ANK3: variants seen among roughly 807,000 people sequenced by gnomAD.
The protein encoded by ANK3 is ankyrin-3.
ANK3 carries 57 observed loss-of-function variants against 370.9 expected under a neutral mutation model. That is an observed-to-expected ratio of 0.15 (90% CI 0.12 to 0.19). The LOEUF (loss-of-function observed/expected upper bound fraction) is 0.19, where lower values mean the gene tolerates loss of function less well. Among genes scored for constraint, ANK3 ranks in the 10% least tolerant of loss-of-function variants. The probability of loss-of-function intolerance (pLI) is 1.00; values close to 1 mark genes in which losing one functional copy is unlikely to be tolerated. For synonymous variants in ANK3, 1,929 were observed against 1,946.3 expected, an observed-to-expected ratio of 0.99 and a Z score of 0.23; for missense variants, 4,439 against 5,302.1, an observed-to-expected ratio of 0.84 and a Z score of 5.06.
chr10:60,726,815 C>G (rs1020944288), intron 1 of ANK3, among the ~76,000 whole-genome samples: 1 of 152,052 alleles, frequency 6.6e-6, no homozygotes, highest in African/African-American at 2.4e-5. Context: ...CACAATAAAG[C>G]TGTTTTTAAA....
rs1198345668 is a variant in ANK3, at chr10:60,075,833, T to A, written c.5048A>T (p.Lys1683Ile). Residue 1683 changes from lysine to isoleucine, a missense_variant, in exon 37 of 44, where the codon AAA becomes ATA. Physicochemically the swap from Lys to Ile is moderately radical, Grantham distance 102 (BLOSUM62 -3). Coordinates refer to ENST00000280772, the MANE Select transcript of ANK3 (RefSeq NM_020987.5). Reference protein sequence around the residue: ...SPLKSVVSPVKSAVDVISSAK... With the variant: ...SPLKSVVSPVISAVDVISSAK... Reference sequence around the variant, plus strand: ...TGATGAAATGACATCAACTGCTGATTTAACTGGAGACACCACTGACTTTAA... The same window carrying A: ...TGATGAAATGACATCAACTGCTGATATAACTGGAGACACCACTGACTTTAA... 1 of 1,614,050 alleles carries A rather than the reference T, an allele frequency of 6.2e-7. No individual in the cohort carries two copies. The highest frequency in any genetic ancestry group is 8.5e-7 in the Non-Finnish European group (1 of 1,179,886).
At chr10:60,498,157 G>C (rs7915051) in intron 2 of ANK3, among the ~76,000 whole-genome samples, 2 of 151,620 alleles carry the variant, frequency 1.3e-5, no homozygotes, top group African/African-American at 4.8e-5. Context: ...TGAATCACTG[G>C]GTATATTCAA....
intron 1 of ANK3, among the ~76,000 whole-genome samples, chr10:60,348,950 C>A (rs1566763113): frequency 6.6e-6 from 1 of 152,112 alleles, no homozygotes; most frequent in Non-Finnish European, 1.5e-5. Flanking sequence ...GATGCTAAAG[C>A]AATGTGTACA....
At chr10:60,689,114 A>G (rs987955397) in intron 1 of ANK3, among the ~76,000 whole-genome samples, 3 of 152,200 alleles carry the variant, frequency 2.0e-5, no homozygotes, top group Non-Finnish European at 2.9e-5. Context: ...ATAGAGGTAT[A>G]TTTGGCTAGG....
chr10:60,629,516 C>T (rs1322191189), intron 1 of ANK3, among the ~76,000 whole-genome samples: 1 of 151,994 alleles, frequency 6.6e-6, no homozygotes, highest in African/African-American at 2.4e-5. Context: ...CGGATTGTTG[C>T]CATAGTAACT....
intron 4 of ANK3, among the ~76,000 whole-genome samples, chr10:60,276,542 C>G (rs2098092474): frequency 6.6e-6 from 1 of 152,194 alleles, no homozygotes; most frequent in Non-Finnish European, 1.5e-5. Flanking sequence ...CCATGTGTGG[C>G]TGGTAATTCC....
chr10:60,110,953 A>G (rs766774812), intron 26 of ANK3, among the ~76,000 whole-genome samples: 8 of 152,196 alleles, frequency 5.3e-5, no homozygotes, highest in African/African-American at 9.7e-5. Flanking sequence ...ATAGAGAGTA[A>G]TTCTGATTGG....
Position 60,070,597 on chromosome 10 carries a change from T to A in ANK3, c.10284A>T (p.Thr3428=), listed in dbSNP as rs775096980. Residue 3428 remains threonine, a synonymous_variant, in exon 37 of 44, where the codon ACA becomes ACT. Coordinates refer to ENST00000280772, the MANE Select transcript of ANK3 (RefSeq NM_020987.5). The surrounding 1 kb of genome is among the most constrained non-coding windows in gnomAD (Gnocchi z 5.7). Reference sequence around the variant, plus strand: ...GAATTGGGAGTTTAGAATCACTCTCTGTCAAGCCATCATCTTCATCTTGCA... The same window carrying A: ...GAATTGGGAGTTTAGAATCACTCTCAGTCAAGCCATCATCTTCATCTTGCA... ...YDLQDEDDGL[T]ESDSKLPIQA... The A allele has an allele frequency of 6.2e-7, 1 of 1,614,166 alleles. No individual in the cohort carries two copies. The highest frequency in any genetic ancestry group is 1.7e-5 in the Admixed American group (1 of 60,010).
chr10:60,375,041 G>A (rs754481463), intron 1 of ANK3, among the ~76,000 whole-genome samples: 1 of 152,096 alleles, frequency 6.6e-6, no homozygotes, highest in Non-Finnish European at 1.5e-5. Context: ...GTATATACAC[G>A]CACAGAAAAA....
intron 2 of ANK3, among the ~76,000 whole-genome samples, chr10:60,586,311 C>A (rs567315347): frequency 6.6e-6 from 1 of 152,132 alleles, no homozygotes; most frequent in African/African-American, 2.4e-5. Flanking sequence ...TGAGTCTAAT[C>A]GAGAAATTTC....
intron 2 of ANK3, among the ~76,000 whole-genome samples, chr10:60,409,958 C>T (rs2063526247): frequency 6.6e-6 from 1 of 152,126 alleles, no homozygotes; most frequent in African/African-American, 2.4e-5. Context: ...CATGTCTAGG[C>T]TCATCTCACT....
At chr10:60,051,502 T>A in intron 42 of ANK3, 10 of 985,204 alleles carry the variant, frequency 1.0e-5, no homozygotes, top group Non-Finnish European at 1.1e-5. Context: ...GGCGAATAAC[T>A]CGGGTAGTGA....
At chr10:60,457,335 A>G (rs1383475392) in intron 2 of ANK3, among the ~76,000 whole-genome samples, 1 of 152,162 alleles carries the variant, frequency 6.6e-6, no homozygotes, top group Admixed American at 6.6e-5. Flanking sequence ...TGCCCTCATA[A>G]TGGAGAAAAC....
chr10:60,375,054 T>C (rs1252834003), intron 1 of ANK3, among the ~76,000 whole-genome samples: 3 of 151,322 alleles, frequency 2.0e-5, no homozygotes, highest in Admixed American at 6.6e-5. Context: ...CAGAAAAACA[T>C]TGAAAAAATC....
At chr10:60,676,240 T>C (rs2079124165) in intron 1 of ANK3, among the ~76,000 whole-genome samples, 1 of 152,198 alleles carries the variant, frequency 6.6e-6, no homozygotes, top group Non-Finnish European at 1.5e-5. Flanking sequence ...TAGATAATTC[T>C]TGCAAGTAAT....
intron 2 of ANK3, among the ~76,000 whole-genome samples, chr10:60,546,017 A>G (rs2076955277): frequency 6.6e-6 from 1 of 152,100 alleles, no homozygotes; most frequent in African/African-American, 2.4e-5. Flanking sequence ...ACAACAGATA[A>G]TAATAACCCA....
intron 9 of ANK3, among the ~76,000 whole-genome samples, chr10:60,209,382 G>A (rs889215725): frequency 6.6e-6 from 1 of 152,084 alleles, no homozygotes; most frequent in Non-Finnish European, 1.5e-5. Context: ...CAAAGAAGGA[G>A]TTCAAGATAA....
rs947169239 is a variant in ANK3, at chr10:60,293,225, A to G, written c.115-13586T>C. Among the ~76,000 whole-genome samples, 3 of 152,158 alleles carry G rather than the reference A, an allele frequency of 2.0e-5. No homozygotes were observed. The South Asian group carries it at 6.2e-4, about 32-fold the overall frequency. ...CTTTAAACATCCCCCTCCTGGAGGGATCCGCTGGCATTCATCTCATCACGC... is the reference window on the plus strand; with the variant it reads ...CTTTAAACATCCCCCTCCTGGAGGGGTCCGCTGGCATTCATCTCATCACGC... On this transcript the variant is annotated intron_variant, in intron 1 of 43. Coordinates refer to ENST00000280772, the MANE Select transcript of ANK3 (RefSeq NM_020987.5).
intron 8 of ANK3, among the ~76,000 whole-genome samples, chr10:60,213,977 T>G (rs1283445428): frequency 6.6e-6 from 1 of 152,110 alleles, no homozygotes; most frequent in East Asian, 1.9e-4. Flanking sequence ...GCCATGAAAT[T>G]ATATAAGTTT....
Sources: allele counts gnomAD v4.1 joint callset (sites outside exome capture counted in the v4.1 genomes callset), GRCh38; gene constraint gnomAD v4.1.1; non-coding constraint Gnocchi (gnomAD v3.1); transcripts MANE v1.5; gene names NCBI Gene and HGNC (gene_info 2026-07-23, HGNC 2026-07-21).